Variants in NRXN1 observed in about 807,000 individuals in gnomAD.
NRXN1 encodes the protein neurexin-1.
NRXN1 carries 39 observed loss-of-function variants against 150.9 expected under a neutral mutation model. The observed-to-expected ratio is 0.26, with a 90% CI of 0.20 to 0.34. The LOEUF (loss-of-function observed/expected upper bound fraction) is 0.34, where lower values mean the gene tolerates loss of function less well. Among genes scored for constraint, NRXN1 ranks in the 10% least tolerant of loss-of-function variants. NRXN1 has a pLI of 1.00. For missense variants in NRXN1, 1,815 were observed against 1,949.9 expected (o/e 0.93, Z 1.30); for synonymous variants, 924 against 757.0 (o/e 1.22, Z -3.62).
Position 50,605,711 on chromosome 2 carries a change from G to A in NRXN1, c.1320+14311C>T, listed in dbSNP as rs532786607. On this transcript the variant is annotated intron_variant, in intron 8 of 22. Transcript: ENST00000401669. The stretch of plus-strand genomic sequence containing the variant: ...GTTAGTGAACATGCAAAATGGTGCA[G>A]CTGCTCTAGAAAACAGTATGGAAGT... 7.9e-5 allele frequency among the ~76,000 whole-genome samples: 12 copies of A among 152,202 alleles called. No homozygotes were observed. In the East Asian group the frequency reaches 1.5e-3, roughly 20 times the overall value.
intron 5 of NRXN1, among the ~76,000 whole-genome samples, chr2:50,837,822 A>G (rs927026073): frequency 1.3e-5 from 2 of 152,196 alleles, no homozygotes; most frequent in Admixed American, 1.3e-4. Flanking sequence ...TTATACAAAA[A>G]TAACAATTTA....
At chr2:50,850,889 C>T (rs1404973246) in intron 5 of NRXN1, among the ~76,000 whole-genome samples, 1 of 152,020 alleles carries the variant, frequency 6.6e-6, no homozygotes, top group Admixed American at 6.6e-5. Flanking sequence ...TAAAATAAGG[C>T]CCTTAGAATG....
At chr2:50,539,195 G>T (rs188581202) in intron 9 of NRXN1, among the ~76,000 whole-genome samples, 1 of 150,234 alleles carries the variant, frequency 6.7e-6, no homozygotes, top group East Asian at 1.9e-4. Flanking sequence ...CATAATATGC[G>T]CATAATAATA....
chr2:50,177,645 T>C (rs889333307), intron 18 of NRXN1, among the ~76,000 whole-genome samples: 3 of 151,928 alleles, frequency 2.0e-5, no homozygotes, highest in African/African-American at 4.8e-5. Context: ...TGCAAACGCC[T>C]AAATACAAAA....
At chr2:49,985,048 T>G (rs568458622) in intron 21 of NRXN1, among the ~76,000 whole-genome samples, 1 of 152,274 alleles carries the variant, frequency 6.6e-6, no homozygotes, top group Admixed American at 6.5e-5. Flanking sequence ...ACAGATCTGG[T>G]TTTACAGCTT....
At position 50,950,015 on chromosome 2, in the gene NRXN1, G is replaced by A. The variant is rs79791573; in HGVS notation, c.773-24060C>T. 4.0e-3 allele frequency among the ~76,000 whole-genome samples: 602 copies of A among 152,246 alleles called. 1 individual carries two copies. Among genetic ancestry groups the A allele is most frequent in the African/African-American group, 0.014 (577 of 41,564 alleles). On this transcript the variant is annotated intron_variant, in intron 2 of 22. Transcript: ENST00000401669. ...TGAAGGCAGGAGGAGATTAATTGAA[G>A]TAAGAATATGTGTGCAAGTGCTAGC... is the stretch of plus-strand genomic sequence containing the variant.
chr2:50,112,690 T>C (rs1160065810), intron 18 of NRXN1, among the ~76,000 whole-genome samples: 1 of 152,170 alleles, frequency 6.6e-6, no homozygotes. Context: ...TCTGGGGGTG[T>C]GTCCCAGGCC....
intron 21 of NRXN1, among the ~76,000 whole-genome samples, chr2:49,944,690 C>T (rs879599841): frequency 6.6e-6 from 1 of 152,162 alleles, no homozygotes; most frequent in Non-Finnish European, 1.5e-5. Context: ...TCTGTAAAGG[C>T]TTCCATCAGA....
At chr2:50,518,105 A>G (rs2092681014) in intron 12 of NRXN1, among the ~76,000 whole-genome samples, 1 of 152,130 alleles carries the variant, frequency 6.6e-6, no homozygotes, top group South Asian at 2.1e-4. Context: ...ATATATTTCA[A>G]TGCGAAAAAC....
intron 5 of NRXN1, among the ~76,000 whole-genome samples, chr2:50,668,185 G>C (rs1688338008): frequency 6.6e-6 from 1 of 151,890 alleles, no homozygotes; most frequent in Non-Finnish European, 1.5e-5. Flanking sequence ...TATCCATTCA[G>C]AGCCTCAGTG....
chr2:50,934,471 C>T (rs910444812), intron 2 of NRXN1, among the ~76,000 whole-genome samples: 2 of 152,204 alleles, frequency 1.3e-5, no homozygotes, highest in Middle Eastern at 3.4e-3. Flanking sequence ...TATGTAACCA[C>T]AGAGACATAT....
intron 9 of NRXN1, among the ~76,000 whole-genome samples, chr2:50,545,013 T>C (rs954374751): frequency 5.3e-5 from 8 of 152,176 alleles, no homozygotes; most frequent in African/African-American, 1.9e-4. Flanking sequence ...TGTATAAGTA[T>C]TTTATGTGTG....
At chr2:51,011,528 G>A (rs993622779) in intron 2 of NRXN1, among the ~76,000 whole-genome samples, 5 of 151,958 alleles carry the variant, frequency 3.3e-5, no homozygotes, top group Non-Finnish European at 7.4e-5. Context: ...CTTACAGATG[G>A]GTTTTAAATG....
At chr2:50,833,784 G>A (rs1322056673) in intron 5 of NRXN1, among the ~76,000 whole-genome samples, 1 of 152,110 alleles carries the variant, frequency 6.6e-6, no homozygotes, top group Non-Finnish European at 1.5e-5. Flanking sequence ...CACTCAAAAA[G>A]TCAATTTTCT....
chr2:50,925,654 T>C (rs1312041823), intron 3 of NRXN1, among the ~76,000 whole-genome samples: 1 of 151,952 alleles, frequency 6.6e-6, no homozygotes, highest in Non-Finnish European at 1.5e-5. Flanking sequence ...AAAAGCAGAA[T>C]TGTTATCATT....
intron 21 of NRXN1, among the ~76,000 whole-genome samples, chr2:50,049,106 G>A (rs1201233381): frequency 6.6e-6 from 1 of 152,078 alleles, no homozygotes; most frequent in Non-Finnish European, 1.5e-5. Flanking sequence ...TCTTGCAAAG[G>A]TAAATTTTGG....
rs144789141 is a variant in NRXN1, at chr2:50,899,039, G to C, written c.832+22830C>G. 1.6e-3 allele frequency among the ~76,000 whole-genome samples: 249 copies of C among 152,236 alleles called. 2 individuals carry two copies. Among genetic ancestry groups the C allele is most frequent in the Middle Eastern group, 6.8e-3 (2 of 294 alleles). ...AATGCAGACACAGCTTGAAAAAGAAGATGATGTATTTTCCATGGAGCATTT... is the reference window on the plus strand; with the variant it reads ...AATGCAGACACAGCTTGAAAAAGAACATGATGTATTTTCCATGGAGCATTT... On this transcript the variant is annotated intron_variant, in intron 5 of 22. Coordinates refer to ENST00000401669, the MANE Select transcript of NRXN1 (RefSeq NM_001330078.2).
chr2:50,997,105 G>T (rs1029506330), intron 2 of NRXN1, among the ~76,000 whole-genome samples: 1 of 151,976 alleles, frequency 6.6e-6, no homozygotes, highest in East Asian at 1.9e-4. Flanking sequence ...TCATGCCTGT[G>T]ATCCAAGCAC....
At chr2:50,636,512 T>C (rs1486337271) in intron 5 of NRXN1, among the ~76,000 whole-genome samples, 4 of 152,200 alleles carry the variant, frequency 2.6e-5, no homozygotes, top group South Asian at 2.1e-4. Context: ...AAACATTTAT[T>C]GAAGCCCAAT....
Sources: allele counts gnomAD v4.1 joint callset (sites outside exome capture counted in the v4.1 genomes callset), GRCh38; gene constraint gnomAD v4.1.1; transcripts MANE v1.5; gene names NCBI Gene and HGNC (gene_info 2026-07-23, HGNC 2026-07-21).